The following RTN4RL2 variants were observed in gnomAD, a reference collection of about 807,000 sequenced individuals.
The protein encoded by RTN4RL2 is reticulon 4 receptor like 2.
A neutral mutation model predicts 27.8 loss-of-function variants in RTN4RL2; 9 were observed. The observed-to-expected ratio is 0.32, with a 90% CI of 0.20 to 0.57. The LOEUF (loss-of-function observed/expected upper bound fraction) is 0.57, where lower values mean the gene tolerates loss of function less well. Ranked by LOEUF, RTN4RL2 falls within the 20% of genes least tolerant of loss-of-function variation. RTN4RL2 has a pLI of 0.90. For missense variants in RTN4RL2, 436 were observed against 596.8 expected, an observed-to-expected ratio of 0.73 and a Z score of 2.81; for synonymous variants, 285 against 297.9, an observed-to-expected ratio of 0.96 and a Z score of 0.45.
Position 57,476,734 on chromosome 11 carries a change from G to C in RTN4RL2, c.1086G>C (p.Gly362=). The C allele has an allele frequency of 6.9e-7, 1 of 1,441,440 alleles. No individual in the cohort carries two copies. Among genetic ancestry groups the C allele is most frequent in the Non-Finnish European group, 9.0e-7 (1 of 1,105,042 alleles). The allele number at this position is 1,441,440 out of a possible 1,614,324, so 89.3% of individuals were successfully genotyped here. A position where few individuals can be genotyped will look rare whatever the true frequency, so the allele number is the denominator to read the frequency against. ...AAGACTCGCGGGGGCGCCAGGGCGGGGACGCGCCTACTGAGGACGACTACT... is the reference window on the plus strand; with the variant it reads ...AAGACTCGCGGGGGCGCCAGGGCGGCGACGCGCCTACTGAGGACGACTACT... The part of the protein sequence containing the change: ...PAEDSRGRQG[G]DAPTEDDYWG... The change falls in exon 3 of 3, where the codon GGG becomes GGC. Residue 362 remains glycine, a synonymous_variant. Transcript: ENST00000335099. This position sits in a 1 kb window ranked among gnomAD's most constrained non-coding sequence, Gnocchi z 8.2.
chr11:57,468,520 G>T, intron 2 of RTN4RL2: 1 of 1,507,930 alleles, frequency 6.6e-7, no homozygotes, highest in Non-Finnish European at 8.9e-7. Flanking sequence ...CTCTTTCTGT[G>T]ATCTCACGTG....
At chr11:57,463,667 A>G (rs973978015) in intron 1 of RTN4RL2, among the ~76,000 whole-genome samples, 4 of 152,136 alleles carry the variant, frequency 2.6e-5, no homozygotes, top group Non-Finnish European at 4.4e-5. Flanking sequence ...GAAGGCCAGG[A>G]GTGGAGCCGT....
In RTN4RL2 at chr11:57,476,115, A is replaced by G. The variant is rs2258835; in HGVS notation, c.514-47A>G. ...AAGGCCCCAGCGGGGTCTGCACCCTACCTCAGGCCCATTCTCTTCTTCTGT... is the reference window on the plus strand; with the variant it reads ...AAGGCCCCAGCGGGGTCTGCACCCTGCCTCAGGCCCATTCTCTTCTTCTGT... On this transcript the variant is annotated intron_variant, in intron 2 of 2. Coordinates refer to ENST00000335099, the MANE Select transcript of RTN4RL2 (RefSeq NM_178570.3). This position sits in a 1 kb window ranked among gnomAD's most constrained non-coding sequence, Gnocchi z 8.2. The G allele has an allele frequency of 0.77, 1,199,010 of 1,553,328 alleles. 463,686 individuals are homozygous for G. Among genetic ancestry groups the G allele is most frequent in the East Asian group, 0.86 (37,852 of 43,878 alleles).
chr11:57,475,547 TAA>T (rs1192017812), intron 2 of RTN4RL2, among the ~76,000 whole-genome samples: 2 of 138,034 alleles, frequency 1.4e-5, no homozygotes. Context: ...AAACAAAAAT[TAA>T]AAAAAAAAAA....
At chr11:57,460,994 G>A (rs1380915703) in intron 1 of RTN4RL2, 98 bp downstream of exon 1, 3 of 681,034 alleles carry the variant, frequency 4.4e-6, no homozygotes, top group Non-Finnish European at 4.4e-6. Context: ...TGGGGAGGTG[G>A]GGTAACCTGG....
rs765933930 is a variant in RTN4RL2 at position 57,460,815 on chromosome 11, G to A, written c.-51G>A. 1.8e-5 allele frequency: 22 copies of A among 1,200,812 alleles called. No homozygotes were observed. The highest frequency in any genetic ancestry group is 3.3e-5 in the South Asian group (2 of 61,070). The allele number at this position is 1,200,812 out of a possible 1,614,324, so 74.4% of individuals were successfully genotyped here. ...CGTGCATCCGGCGGGCTCAGGGAGC[G>A]AGTGGGAGCGCCCTCCCCCCGCTGC... On this transcript the variant is annotated 5_prime_UTR_variant, in exon 1 of 3. Coordinates refer to ENST00000335099, the MANE Select transcript of RTN4RL2 (RefSeq NM_178570.3).
rs556710785 is a variant in RTN4RL2, at chr11:57,471,529, G to A, written c.513+3439G>A. Among the ~76,000 whole-genome samples the A allele has an allele frequency of 4.8e-4, 73 of 152,368 alleles. 1 individual carries two copies. The South Asian group carries it at 0.015, about 31-fold the overall frequency. On this transcript the variant is annotated intron_variant, in intron 2 of 2. Coordinates refer to ENST00000335099, the MANE Select transcript of RTN4RL2 (RefSeq NM_178570.3). The stretch of plus-strand genomic sequence containing the variant: ...CCTCTGCCTGTGAACTGCCTGGTAG[G>A]GCTGGGCTGGGAGATGCCACAGGCA...
chr11:57,474,319 G>A (rs1943583113), intron 2 of RTN4RL2, among the ~76,000 whole-genome samples: 1 of 152,194 alleles, frequency 6.6e-6, no homozygotes, highest in African/African-American at 2.4e-5. Context: ...CGAAGAGGGC[G>A]GAAGCCAGAT....
At chr11:57,475,490 T>C (rs1418158797) in intron 2 of RTN4RL2, among the ~76,000 whole-genome samples, 1 of 151,100 alleles carries the variant, frequency 6.6e-6, no homozygotes, top group Non-Finnish European at 1.5e-5. Flanking sequence ...CACAGAGAGA[T>C]GACTGGCTTG....
chr11:57,462,964 C>G (rs945057518), intron 1 of RTN4RL2, among the ~76,000 whole-genome samples: 1 of 152,228 alleles, frequency 6.6e-6, no homozygotes, highest in South Asian at 2.1e-4. Context: ...TTGTGGCTGG[C>G]CCAGCCCTAG....
Position 57,476,629 on chromosome 11 carries a change from C to T in RTN4RL2, c.981C>T (p.Ser327=). ...RPGSRARGNS[S]SNHLYGVAEA... ...GCAGCCGCGCCCGCGGCAACAGCTC[C>T]TCCAACCACCTGTACGGGGTGGCCG... is the stretch of plus-strand genomic sequence containing the variant. The change falls in exon 3 of 3, where the codon TCC becomes TCT. Residue 327 remains serine, a synonymous_variant. Transcript: ENST00000335099. This position sits in a 1 kb window ranked among gnomAD's most constrained non-coding sequence, Gnocchi z 8.2. The T allele has an allele frequency of 1.4e-6, 2 of 1,418,088 alleles. No homozygotes were observed. The highest frequency in any genetic ancestry group is 1.8e-6 in the Non-Finnish European group (2 of 1,094,848). 87.8% of individuals were successfully genotyped at this position (1,418,088 alleles called of 1,614,324 possible).
At chr11:57,475,122 T>C (rs1185891641) in intron 2 of RTN4RL2, among the ~76,000 whole-genome samples, 5 of 152,212 alleles carry the variant, frequency 3.3e-5, no homozygotes, top group African/African-American at 1.2e-4. Context: ...CATTTATTGA[T>C]GGTTGACTAT....
chr11:57,470,241 T>C (rs1396522855), intron 2 of RTN4RL2, among the ~76,000 whole-genome samples: 2 of 152,158 alleles, frequency 1.3e-5, no homozygotes, highest in Non-Finnish European at 2.9e-5. Flanking sequence ...ATCAGGATAG[T>C]ACTTAATAAT....
At chr11:57,470,359 T>C (rs905275580) in intron 2 of RTN4RL2, among the ~76,000 whole-genome samples, 1 of 152,172 alleles carries the variant, frequency 6.6e-6, no homozygotes, top group African/African-American at 2.4e-5. Flanking sequence ...GTGATTTTCC[T>C]GCCTCAGCCT....
intron 1 of RTN4RL2, among the ~76,000 whole-genome samples, chr11:57,464,154 G>A (rs1339957139): frequency 1.3e-5 from 2 of 152,210 alleles, no homozygotes; most frequent in Non-Finnish European, 2.9e-5. Context: ...CTGGTTGGGG[G>A]AGACATGGGA....
At chr11:57,464,285 CCCTCAAGG>C (rs1370701481) in intron 1 of RTN4RL2, among the ~76,000 whole-genome samples, 2 of 152,134 alleles carry the variant, frequency 1.3e-5, no homozygotes, top group African/African-American at 4.8e-5. Flanking sequence ...GCAGAGTTTA[CCCTCAAGG>C]CCGGAAGGAA....
intron 1 of RTN4RL2, among the ~76,000 whole-genome samples, chr11:57,463,739 G>A (rs1052117693): frequency 6.6e-6 from 1 of 152,124 alleles, no homozygotes; most frequent in African/African-American, 2.4e-5. Context: ...CTGAGGAGGA[G>A]TGAGAACAGG....
Position 57,476,454 on chromosome 11 carries a change from C to T in RTN4RL2, c.806C>T (p.Ala269Val), listed in dbSNP as rs1160722076. Residue 269 changes from alanine (A) to valine (V), a missense_variant, in exon 3 of 3, where the codon GCG becomes GTG. Physicochemically the swap from Ala to Val is moderately conservative, Grantham distance 64. Transcript: ENST00000335099. This position sits in a 1 kb window ranked among gnomAD's most constrained non-coding sequence, Gnocchi z 8.2. ...AACCCCTGGGCGTGCGACTGCCGCG[C>T]GCGGCCGCTCTGGGCCTGGTTCCAG... The part of the protein sequence containing the change: ...NANPWACDCR[A>V]RPLWAWFQRA... 6.4e-7 allele frequency: 1 copy of T among 1,565,650 alleles called. No homozygotes were observed. Among genetic ancestry groups the T allele is most frequent in the Non-Finnish European group, 8.6e-7 (1 of 1,165,588 alleles).
At position 57,467,523 on chromosome 11, in the gene RTN4RL2, C is replaced by A; in HGVS notation, c.32-86C>A. 6.5e-7 allele frequency: 1 copy of A among 1,529,778 alleles called. No individual in the cohort carries two copies. The highest frequency in any genetic ancestry group is 8.7e-7 in the Non-Finnish European group (1 of 1,143,788). 94.8% of individuals were successfully genotyped at this position (1,529,778 alleles called of 1,614,324 possible). A position where few individuals can be genotyped will look rare whatever the true frequency, so the allele number is the denominator to read the frequency against. On this transcript the variant is annotated intron_variant, in intron 1 of 2. Coordinates refer to ENST00000335099, the MANE Select transcript of RTN4RL2 (RefSeq NM_178570.3). This position sits in a 1 kb window ranked among gnomAD's most constrained non-coding sequence, Gnocchi z 5.5. Reference sequence around the variant, plus strand: ...GCCACCATATTCAGCCGGGTCTAGGCCTTTTACCAAGTTGGGGGGCTGGCC... The same window carrying A: ...GCCACCATATTCAGCCGGGTCTAGGACTTTTACCAAGTTGGGGGGCTGGCC...
Sources: allele counts gnomAD v4.1 joint callset (sites outside exome capture counted in the v4.1 genomes callset), GRCh38; gene constraint gnomAD v4.1.1; non-coding constraint Gnocchi (gnomAD v3.1); transcripts MANE v1.5; gene names NCBI Gene and HGNC (gene_info 2026-07-23, HGNC 2026-07-21).